Variants in RDX observed in about 807,000 individuals in gnomAD.
RDX encodes the protein radixin.
Under a neutral mutation model 83.7 loss-of-function variants are expected in RDX, and 32 were observed. That is an observed-to-expected ratio of 0.38 (90% CI 0.29 to 0.51). RDX has a LOEUF of 0.51. Ranked by LOEUF, RDX falls within the 20% of genes least tolerant of loss-of-function variation. The pLI is 0.87. For missense variants in RDX, 600 were observed against 689.9 expected (o/e 0.87, Z 1.46); for synonymous variants, 229 against 222.7 (o/e 1.03, Z -0.25).
intron 7 of RDX, among the ~76,000 whole-genome samples, chr11:110,257,196 GA>G (rs1859580285): frequency 6.6e-6 from 1 of 150,484 alleles, no homozygotes; most frequent in African/African-American, 2.5e-5. Flanking sequence ...AAATATTGAT[GA>G]ATTATATATG....
At chr11:110,253,770 C>G in intron 9 of RDX, 176 bp downstream of exon 9, 1 of 630,980 alleles carries the variant, frequency 1.6e-6, no homozygotes, top group Non-Finnish European at 2.7e-6. Context: ...AGATTTCTAA[C>G]TTGAAAATTA....
chr11:110,192,706 G>A (rs548624689), intron 15 of RDX, among the ~76,000 whole-genome samples: 1 of 152,196 alleles, frequency 6.6e-6, no homozygotes, highest in Non-Finnish European at 1.5e-5. Flanking sequence ...GTAGGCAGAG[G>A]ACATGAACAG....
At chr11:110,250,392 T>C (rs1427557254) in intron 9 of RDX, among the ~76,000 whole-genome samples, 1 of 152,158 alleles carries the variant, frequency 6.6e-6, no homozygotes, top group Non-Finnish European at 1.5e-5. Flanking sequence ...TGCAATCACA[T>C]CCAGTTCTGC....
In RDX at chr11:110,197,866, G is replaced by A. The variant is rs117286451; in HGVS notation, c.*31+1715C>T. Among the ~76,000 whole-genome samples, 62 of 152,332 alleles carry A rather than the reference G, an allele frequency of 4.1e-4. No homozygotes were observed. The East Asian group carries it at 0.012, about 29-fold the overall frequency. The stretch of plus-strand genomic sequence containing the variant: ...GATTCTCAGCTAGACCCGTTTCAAA[G>A]AGAGTGAGAGCAAATGATGATGGAT... On this transcript the variant is annotated intron_variant, in intron 15 of 15. Coordinates refer to the RDX transcript ENST00000528498.
chr11:110,228,484 C>T (rs1405259731), downstream of RDX, among the ~76,000 whole-genome samples: 1 of 152,024 alleles, frequency 6.6e-6, no homozygotes, highest in East Asian at 1.9e-4. Flanking sequence ...CTTATTCTTA[C>T]TAATGGTATC....
intron 9 of RDX, among the ~76,000 whole-genome samples, chr11:110,249,114 G>C (rs1440094099): frequency 3.9e-5 from 6 of 152,096 alleles, no homozygotes; most frequent in Non-Finnish European, 7.4e-5. Context: ...ATATAAAGAG[G>C]AATAAAAGTC....
At chr11:110,292,823 G>C (rs1488195552) in intron 1 of RDX, among the ~76,000 whole-genome samples, 1 of 152,118 alleles carries the variant, frequency 6.6e-6, no homozygotes, top group Non-Finnish European at 1.5e-5. Context: ...CTTTCAACAG[G>C]ATGTTTTTTC....
At chr11:110,241,265 T>C (rs1466095723) in intron 10 of RDX, among the ~76,000 whole-genome samples, 2 of 152,076 alleles carry the variant, frequency 1.3e-5, no homozygotes, top group Non-Finnish European at 2.9e-5. Context: ...ATTCAGATAA[T>C]CAAGCTGGCC....
intron 10 of RDX, among the ~76,000 whole-genome samples, chr11:110,240,150 A>G (rs554804745): frequency 5.9e-5 from 9 of 152,334 alleles, no homozygotes; most frequent in South Asian, 4.1e-4. Context: ...ACATGAAGTC[A>G]ACCTAAGTGC....
intron 1 of RDX, among the ~76,000 whole-genome samples, chr11:110,294,541 TA>T (rs528029550): frequency 7.3e-5 from 11 of 150,260 alleles, no homozygotes; most frequent in African/African-American, 2.4e-4. Flanking sequence ...TTTATCGACT[TA>T]AAAAAAAAAT....
chr11:110,245,428 T>A (rs897984861), intron 10 of RDX, among the ~76,000 whole-genome samples: 1 of 152,160 alleles, frequency 6.6e-6, no homozygotes, highest in Admixed American at 6.5e-5. Flanking sequence ...AGTGAGAACC[T>A]GTCTCACCAA....
intron 14 of RDX, among the ~76,000 whole-genome samples, chr11:110,219,183 G>A (rs1864160774): frequency 6.6e-6 from 1 of 152,174 alleles, no homozygotes; most frequent in African/African-American, 2.4e-5. Flanking sequence ...GCAAGGGAGT[G>A]AATCATAACA....
In RDX at chr11:110,281,490, C is replaced by T. The variant is rs1374479996; in HGVS notation, c.-64-1734G>A. On this transcript the variant is annotated intron_variant, in intron 1 of 13. Transcript: ENST00000645495. Reference sequence around the variant, plus strand: ...TACAAGCGTCCACCACCACACCCAGCTAATATTTGTATTTTTAGTAGAGAA... The same window carrying T: ...TACAAGCGTCCACCACCACACCCAGTTAATATTTGTATTTTTAGTAGAGAA... Among the ~76,000 whole-genome samples the T allele has an allele frequency of 7.2e-5, 11 of 152,044 alleles. No individual in the cohort carries two copies. The East Asian group carries it at 1.9e-3, about 27-fold the overall frequency.
intron 1 of RDX, among the ~76,000 whole-genome samples, 197 bp from the exon 2 acceptor site, chr11:110,279,953 T>TA (rs1423117257): frequency 2.6e-5 from 4 of 152,182 alleles, no homozygotes; most frequent in Non-Finnish European, 5.9e-5. Flanking sequence ...AGATTAAAAA[T>TA]ACCACACATC....
At chr11:110,262,689 G>T (rs1364443746) in intron 5 of RDX, among the ~76,000 whole-genome samples, 1 of 152,046 alleles carries the variant, frequency 6.6e-6, no homozygotes, top group African/African-American at 2.4e-5. Flanking sequence ...AATTAAAACT[G>T]TAAATCATAT....
At chr11:110,242,865 C>CTT (rs760598960) in intron 10 of RDX, among the ~76,000 whole-genome samples, 7 of 139,062 alleles carry the variant, frequency 5.0e-5, no homozygotes, top group Non-Finnish European at 9.4e-5. Context: ...CAATCCAATG[C>CTT]TTTTTTTTTT....
chr11:110,179,903 C>CTTTTTTTTTTTTTTTTTTTTTTTTCT, intron 15 of RDX: 1 of 363,754 alleles, frequency 2.7e-6, no homozygotes, highest in Non-Finnish European at 5.1e-6. Flanking sequence ...TTTCTTTTTT[C>CTTTTTTTTTTTTTTTTTTTTTTTTCT]TTTTTTTTTT....
At chr11:110,242,402 C>T (rs1038561094) in intron 10 of RDX, among the ~76,000 whole-genome samples, 2 of 149,982 alleles carry the variant, frequency 1.3e-5, no homozygotes, top group Admixed American at 1.3e-4. Context: ...CAATCGCACT[C>T]CAGCCTAGGG....
At chr11:110,283,429 G>A (rs931996040) in intron 1 of RDX, among the ~76,000 whole-genome samples, 3 of 152,084 alleles carry the variant, frequency 2.0e-5, no homozygotes, top group Admixed American at 6.6e-5. Flanking sequence ...GCTCACAGAT[G>A]TGAGCCACCA....
Sources: gnomAD v4.1 joint callset for allele counts (sites outside exome capture counted in the v4.1 genomes callset) on GRCh38, gnomAD v4.1.1 for gene constraint, MANE v1.5 for transcripts, NCBI Gene and HGNC (gene_info 2026-07-23, HGNC 2026-07-21) for gene names.